Variants in HTR1F observed in about 807,000 individuals in gnomAD.
The protein encoded by HTR1F is 5-hydroxytryptamine receptor 1F, also known as 5-hydroxytryptamine (serotonin) receptor 1F, G protein-coupled.
Under a neutral mutation model 24.0 loss-of-function variants are expected in HTR1F, and 17 were observed. That is an observed-to-expected ratio of 0.71 (90% CI 0.48 to 1.06). The LOEUF is 1.06. Among genes scored for constraint, HTR1F ranks in the 50% least tolerant of loss-of-function variants. The probability of loss-of-function intolerance (pLI) is 0.00; values close to 1 mark genes in which losing one functional copy is unlikely to be tolerated. For synonymous variants in HTR1F, 186 were observed against 156.8 expected, an observed-to-expected ratio of 1.19 and a Z score of -1.39; for missense variants, 391 against 427.8, an observed-to-expected ratio of 0.91 and a Z score of 0.76.
At chr3:87,813,312 C>T (rs1378541078) in intron 1 of HTR1F, among the ~76,000 whole-genome samples, 1 of 152,178 alleles carries the variant, frequency 6.6e-6, no homozygotes, top group Non-Finnish European at 1.5e-5. Flanking sequence ...TTAATGACTG[C>T]CCTACTGGAT....
chr3:87,972,165 T>A (rs918184707), intron 2 of HTR1F, among the ~76,000 whole-genome samples: 5 of 152,224 alleles, frequency 3.3e-5, no homozygotes, highest in African/African-American at 1.2e-4. Context: ...AGATCTTACA[T>A]TCTAATGAGG....
chr3:87,861,598 C>T (rs1395785352), intron 2 of HTR1F, among the ~76,000 whole-genome samples: 4 of 152,078 alleles, frequency 2.6e-5, no homozygotes, highest in African/African-American at 9.7e-5. Context: ...ATTTAACATG[C>T]CTTACAGTCC....
chr3:87,810,676 T>C (rs1200615112), intron 1 of HTR1F, among the ~76,000 whole-genome samples: 2 of 152,240 alleles, frequency 1.3e-5, no homozygotes, highest in Non-Finnish European at 2.9e-5. Flanking sequence ...GCCAGGAAGA[T>C]GTTGGTATCA....
At chr3:87,881,297 G>A (rs899451784) in intron 2 of HTR1F, among the ~76,000 whole-genome samples, 48 of 152,206 alleles carry the variant, frequency 3.2e-4, no homozygotes, top group Non-Finnish European at 4.1e-4. Context: ...ATGGCTTGGC[G>A]GGTCCCACAC....
intron 2 of HTR1F, among the ~76,000 whole-genome samples, chr3:87,864,933 C>A (rs1366952624): frequency 6.9e-6 from 1 of 144,282 alleles, no homozygotes; most frequent in Non-Finnish European, 1.5e-5. Flanking sequence ...AAAAGAAAAG[C>A]AATATATCTG....
chr3:87,925,383 G>A (rs554972093), intron 2 of HTR1F, among the ~76,000 whole-genome samples: 65 of 152,210 alleles, frequency 4.3e-4, no homozygotes, highest in African/African-American at 1.5e-3. Context: ...AGTTACTTGG[G>A]TCTTGGAAAT....
chr3:87,831,034 C>G (rs1178021824), intron 2 of HTR1F, among the ~76,000 whole-genome samples: 2 of 152,032 alleles, frequency 1.3e-5, no homozygotes, highest in African/African-American at 2.4e-5. Flanking sequence ...GAGTCTGACA[C>G]TGAATTAACA....
intron 2 of HTR1F, among the ~76,000 whole-genome samples, chr3:87,974,048 C>T (rs944896882): frequency 6.6e-6 from 1 of 152,134 alleles, no homozygotes; most frequent in African/African-American, 2.4e-5. Context: ...GTGTGAGAGA[C>T]AACTCTCGAG....
At chr3:87,843,575 T>C (rs1490784273) in intron 2 of HTR1F, among the ~76,000 whole-genome samples, 1 of 151,104 alleles carries the variant, frequency 6.6e-6, no homozygotes. Flanking sequence ...CATGTGCACA[T>C]TGTGCAGGTT....
chr3:87,944,232 T>G (rs1704641918), intron 2 of HTR1F, among the ~76,000 whole-genome samples: 1 of 152,142 alleles, frequency 6.6e-6, no homozygotes, highest in African/African-American at 2.4e-5. Context: ...TCCAGAGTAT[T>G]TCATAACCCA....
chr3:87,811,229 G>A (rs1244687998), intron 1 of HTR1F, among the ~76,000 whole-genome samples: 1 of 151,672 alleles, frequency 6.6e-6, no homozygotes, highest in African/African-American at 2.4e-5. Flanking sequence ...CCATAGATCT[G>A]CCTTTGCAGT....
chr3:87,833,816 CT>C (rs897989722), intron 2 of HTR1F, among the ~76,000 whole-genome samples: 39 of 151,186 alleles, frequency 2.6e-4, no homozygotes, highest in Admixed American at 5.3e-4. Context: ...CTATAAAGCC[CT>C]TTTTTTTTAA....
intron 2 of HTR1F, among the ~76,000 whole-genome samples, chr3:87,984,653 G>A (rs540222362): frequency 6.6e-6 from 1 of 152,020 alleles, no homozygotes; most frequent in South Asian, 2.1e-4. Context: ...GAAGAGACGG[G>A]GTTTCACCAT....
At chr3:87,944,499 G>A (rs1244285136) in intron 2 of HTR1F, among the ~76,000 whole-genome samples, 1 of 152,168 alleles carries the variant, frequency 6.6e-6, no homozygotes, top group Non-Finnish European at 1.5e-5. Context: ...CACTTGGGAG[G>A]AACCATCTAT....
chr3:87,942,339 G>A (rs1704589041), intron 2 of HTR1F, among the ~76,000 whole-genome samples: 1 of 152,170 alleles, frequency 6.6e-6, no homozygotes, highest in Non-Finnish European at 1.5e-5. Context: ...GAGGACAGTT[G>A]TCCGGGACAG....
intron 2 of HTR1F, among the ~76,000 whole-genome samples, chr3:87,932,856 G>A (rs1576051133): frequency 6.6e-6 from 1 of 151,642 alleles, no homozygotes; most frequent in East Asian, 1.9e-4. Context: ...CATTTTATGA[G>A]GCCAGCATCA....
chr3:87,847,040 C>T (rs1214039122), intron 2 of HTR1F, among the ~76,000 whole-genome samples: 1 of 150,532 alleles, frequency 6.6e-6, no homozygotes, highest in Non-Finnish European at 1.5e-5. Context: ...AAAAATAGCC[C>T]AAACATTTAA....
intron 2 of HTR1F, among the ~76,000 whole-genome samples, chr3:87,883,060 C>T (rs753278814): frequency 1.3e-5 from 2 of 151,984 alleles, no homozygotes; most frequent in Non-Finnish European, 2.9e-5. Context: ...GGGCGGACAC[C>T]TCATACAGGT....
intron 2 of HTR1F, among the ~76,000 whole-genome samples, chr3:87,887,569 C>T (rs967119970): frequency 3.3e-5 from 5 of 152,176 alleles, no homozygotes; most frequent in African/African-American, 1.2e-4. Flanking sequence ...TTTTTGCAAT[C>T]TATCCATCTG....
Sources: allele counts gnomAD v4.1 joint callset (sites outside exome capture counted in the v4.1 genomes callset), GRCh38; gene constraint gnomAD v4.1.1; transcripts MANE v1.5; gene names NCBI Gene and HGNC (gene_info 2026-07-23, HGNC 2026-07-21).